CENPE: variants seen among roughly 807,000 people sequenced by gnomAD.
CENPE encodes the protein centromere protein E, also known as centromere-associated protein E.
Under a neutral mutation model 336.1 loss-of-function variants are expected in CENPE, and 145 were observed. The ratio of observed to expected loss-of-function variants is 0.43; its 90% CI spans 0.38 to 0.50. The LOEUF is 0.50. Among genes scored for constraint, CENPE ranks in the 20% least tolerant of loss-of-function variants. The probability of loss-of-function intolerance (pLI) is 0.00; values close to 1 mark genes in which losing one functional copy is unlikely to be tolerated. For missense variants in CENPE, 2,719 were observed against 3,023.3 expected (o/e 0.90, Z 2.36); for synonymous variants, 1,013 against 984.8 (o/e 1.03, Z -0.54).
chr4:103,190,216 C>A (rs1757174437), intron 8 of CENPE, among the ~76,000 whole-genome samples: 1 of 152,258 alleles, frequency 6.6e-6, no homozygotes, highest in East Asian at 1.9e-4. Context: ...GGCCATACTG[C>A]CCAAGGTAAT....
In CENPE at chr4:103,182,933, G is replaced by A. The variant is rs763751306; in HGVS notation, c.834-42C>T. 1.8e-5 allele frequency: 29 copies of A among 1,580,346 alleles called. No individual in the cohort carries two copies. In the East Asian group the frequency reaches 2.5e-4, roughly 13 times the overall value. On this transcript the variant is annotated intron_variant, in intron 10 of 48. Coordinates refer to ENST00000265148, the MANE Select transcript of CENPE (RefSeq NM_001813.3). ...TTTACAGGAGAAAAAGATTGAGAAC[G>A]TTTATATAATAAAGTAGTTGGTTTT... is the stretch of plus-strand genomic sequence containing the variant.
intron 43 of CENPE, among the ~76,000 whole-genome samples, chr4:103,120,597 G>A (rs1211516890): frequency 2.6e-5 from 4 of 152,158 alleles, no homozygotes; most frequent in African/African-American, 9.7e-5. Context: ...AAACAGCACA[G>A]TGGTTATGCG....
chr4:103,110,782 G>T (rs1578526791), intron 47 of CENPE, 46 bp downstream of exon 47: 1 of 1,426,226 alleles, frequency 7.0e-7, no homozygotes, highest in Non-Finnish European at 9.5e-7. Flanking sequence ...CTACATATAT[G>T]TAATAGCCGT....
intron 35 of CENPE, among the ~76,000 whole-genome samples, 157 bp from the exon 36 acceptor site, chr4:103,141,261 T>C (rs1752535920): frequency 1.3e-5 from 2 of 152,124 alleles, no homozygotes. Flanking sequence ...GTATAATATA[T>C]ATAAAGCATG....
At chr4:103,141,997 A>G in intron 34 of CENPE, 89 bp from the exon 35 acceptor site, 1 of 806,702 alleles carries the variant, frequency 1.2e-6, no homozygotes, top group Non-Finnish European at 1.9e-6. Flanking sequence ...AGTAAAAATA[A>G]TAACACTGTT....
At chr4:103,197,696 C>T (rs1218735593) in intron 1 of CENPE, among the ~76,000 whole-genome samples, 3 of 152,196 alleles carry the variant, frequency 2.0e-5, no homozygotes, top group African/African-American at 7.2e-5. Flanking sequence ...ACCTACATAT[C>T]ACCACTTAAC....
rs1351218124 is a variant in CENPE, at chr4:103,168,859, G to A, written c.1648-5306C>T. On this transcript the variant is annotated intron_variant, in intron 16 of 48. Transcript: ENST00000265148. ...ATCTTGAAAAGACCTTATAAAGATG[G>A]TGAAGACTAAAACAAATAGCTACAT... is the stretch of plus-strand genomic sequence containing the variant. Among the ~76,000 whole-genome samples the A allele has an allele frequency of 2.0e-5, 3 of 152,162 alleles. No individual in the cohort carries two copies. The East Asian group carries it at 5.8e-4, about 29-fold the overall frequency.
intron 13 of CENPE, among the ~76,000 whole-genome samples, chr4:103,179,920 C>T (rs1271915576): frequency 6.6e-6 from 1 of 152,162 alleles, no homozygotes; most frequent in Admixed American, 6.5e-5. Context: ...TTTTCTTTCA[C>T]CAGAGTCTAC....
intron 9 of CENPE, among the ~76,000 whole-genome samples, chr4:103,183,922 T>G (rs1756533325): frequency 6.6e-6 from 1 of 152,184 alleles, no homozygotes; most frequent in Admixed American, 6.5e-5. Flanking sequence ...TGGCAACATA[T>G]CTTGGAAAAA....
intron 8 of CENPE, among the ~76,000 whole-genome samples, chr4:103,190,211 T>C (rs1469833886): frequency 2.0e-5 from 3 of 152,150 alleles, no homozygotes; most frequent in East Asian, 3.8e-4. Flanking sequence ...AAAATGGCCA[T>C]ACTGCCCAAG....
intron 42 of CENPE, among the ~76,000 whole-genome samples, chr4:103,130,533 A>C (rs1355050094): frequency 6.6e-6 from 1 of 152,218 alleles, no homozygotes; most frequent in Non-Finnish European, 1.5e-5. Flanking sequence ...TAAATGGAGA[A>C]ATATTCCATA....
intron 42 of CENPE, among the ~76,000 whole-genome samples, chr4:103,130,452 AT>A (rs1192143739): frequency 6.6e-6 from 1 of 152,204 alleles, no homozygotes; most frequent in African/African-American, 2.4e-5. Context: ...ACATAGGCAA[AT>A]CTAACAAATA....
In CENPE at chr4:103,133,780, A is replaced by G. The variant is rs1214209186; in HGVS notation, c.6635T>C (p.Ile2212Thr). ...ATCACAATCTTGTTGAAGGTGCTGT[A>G]TTTTAATTAGCAATTCCTTTTGCTT... ...VEKQKELLIK[I>T]QHLQQDCDVP... is the part of the protein sequence containing the mutation. The change falls in exon 41 of 49, where the codon ATA (isoleucine) becomes ACA (threonine). Residue 2212 changes from isoleucine (I) to threonine (T), a missense_variant. This residue lies in a region of CENPE where 2,437 missense variants were observed against 2,513.3 expected (regional missense o/e 0.97). Coordinates refer to ENST00000265148, the MANE Select transcript of CENPE (RefSeq NM_001813.3). 6.2e-6 allele frequency: 10 copies of G among 1,610,886 alleles called. No homozygotes were observed. Among genetic ancestry groups the G allele is most frequent in the Middle Eastern group, 3.3e-4 (2 of 6,050 alleles).
At chr4:103,181,312 A>G in intron 12 of CENPE, 25 bp downstream of exon 12, 1 of 1,443,810 alleles carries the variant, frequency 6.9e-7, no homozygotes, top group Non-Finnish European at 9.3e-7. Flanking sequence ...CTTTCAATTT[A>G]ATGAAATAAA....
chr4:103,172,358 C>T (rs950571005), intron 16 of CENPE, among the ~76,000 whole-genome samples: 1 of 151,866 alleles, frequency 6.6e-6, no homozygotes, highest in Non-Finnish European at 1.5e-5. Context: ...AAAAGTCATA[C>T]AATCACTTCA....
At chr4:103,124,002 T>C (rs1750876112) in intron 42 of CENPE, among the ~76,000 whole-genome samples, 3 of 152,246 alleles carry the variant, frequency 2.0e-5, no homozygotes. Context: ...TCCACATTCA[T>C]ATAACTTTTA....
chr4:103,123,935 G>C (rs1172101941), intron 42 of CENPE, among the ~76,000 whole-genome samples: 1 of 152,176 alleles, frequency 6.6e-6, no homozygotes, highest in African/African-American at 2.4e-5. Flanking sequence ...GGTAGGCACT[G>C]TATCATCTCA....
rs748352714 is a variant in CENPE at position 103,194,637 on chromosome 4, T to C, written c.525A>G (p.Ser175=). 1.2e-6 allele frequency: 2 copies of C among 1,609,754 alleles called. No homozygotes were observed. The highest frequency in any genetic ancestry group is 1.7e-6 in the Non-Finnish European group (2 of 1,178,352). ...TTGTAATCCATTTCAAAGCCATTTCTGATGTATATACAACTTCTTCTGTGA... is the reference window on the plus strand; with the variant it reads ...TTGTAATCCATTTCAAAGCCATTTCCGATGTATATACAACTTCTTCTGTGA... ...ADLTEEVVYT[S]EMALKWITKG... is the part of the protein sequence containing the mutation. Residue 175 remains serine (S), a synonymous_variant, in exon 6 of 49, where the codon TCA becomes TCG. Coordinates refer to ENST00000265148, the MANE Select transcript of CENPE (RefSeq NM_001813.3).
chr4:103,154,089 T>A (rs2125952634), intron 24 of CENPE, among the ~76,000 whole-genome samples: 1 of 152,274 alleles, frequency 6.6e-6, no homozygotes, highest in South Asian at 2.1e-4. Context: ...TTTAGGGTAT[T>A]ATTGTATGAC....
Sources: gnomAD v4.1 joint callset for allele counts (sites outside exome capture counted in the v4.1 genomes callset) on GRCh38, gnomAD v4.1.1 for gene constraint, gnomAD v4.1.1 regional missense constraint, MANE v1.5 for transcripts, NCBI Gene and HGNC (gene_info 2026-07-23, HGNC 2026-07-21) for gene names.